The following PLEKHA5 variants were observed in gnomAD, a reference collection of about 807,000 sequenced individuals.
The protein encoded by PLEKHA5 is pleckstrin homology domain containing A5, also known as pleckstrin homology domain-containing family A member 5.
Under a neutral mutation model 181.9 loss-of-function variants are expected in PLEKHA5, and 55 were observed. The ratio of observed to expected loss-of-function variants is 0.30; its 90% CI spans 0.24 to 0.38. The LOEUF is 0.38. Among genes scored for constraint, PLEKHA5 ranks in the 10% least tolerant of loss-of-function variants. The probability of loss-of-function intolerance (pLI) is 1.00; values close to 1 mark genes in which losing one functional copy is unlikely to be tolerated. For missense variants in PLEKHA5, 1,432 were observed against 1,549.5 expected, an observed-to-expected ratio of 0.92 and a Z score of 1.27; for synonymous variants, 535 against 529.4, an observed-to-expected ratio of 1.01 and a Z score of -0.15.
intron 15 of PLEKHA5, among the ~76,000 whole-genome samples, chr12:19,298,528 C>T (rs955112895): frequency 1.3e-5 from 2 of 150,820 alleles, no homozygotes; most frequent in Non-Finnish European, 2.9e-5. Context: ...ACCACCACGC[C>T]TGGTGAATTT....
intron 3 of PLEKHA5, among the ~76,000 whole-genome samples, chr12:19,188,511 T>C (rs1245549724): frequency 6.6e-6 from 1 of 152,194 alleles, no homozygotes; most frequent in East Asian, 1.9e-4. Context: ...CTGTCTTTCA[T>C]ATAAAGATTT....
chr12:19,340,347 C>T (rs571013430), intron 21 of PLEKHA5, among the ~76,000 whole-genome samples: 6 of 149,990 alleles, frequency 4.0e-5, no homozygotes, highest in African/African-American at 1.5e-4. Context: ...CGGCCAGCCG[C>T]CCCGTCCAGG....
At chr12:19,169,668 G>T (rs1265914697) in intron 3 of PLEKHA5, among the ~76,000 whole-genome samples, 2 of 152,220 alleles carry the variant, frequency 1.3e-5, no homozygotes, top group Non-Finnish European at 2.9e-5. Context: ...TTCAGACCTT[G>T]TATGTGTTGA....
Position 19,250,335 on chromosome 12 carries a change from G to A in PLEKHA5, c.228-3605G>A, listed in dbSNP as rs369630337. Among the ~76,000 whole-genome samples the A allele has an allele frequency of 2.6e-4, 40 of 152,206 alleles. No homozygotes were observed. The South Asian group carries it at 7.5e-3, about 28-fold the overall frequency. Reference sequence around the variant, plus strand: ...CGCAGAGGCTCATACCTGTAATCCCGGCACTTTGGGAGGCCAAGGCGGGTG... The same window carrying A: ...CGCAGAGGCTCATACCTGTAATCCCAGCACTTTGGGAGGCCAAGGCGGGTG... On this transcript the variant is annotated intron_variant, in intron 3 of 31. Transcript: ENST00000429027.
In PLEKHA5 at chr12:19,357,083, A is replaced by T. The variant is rs544779327; in HGVS notation, c.3139-1145A>T. Among the ~76,000 whole-genome samples, 56 of 152,242 alleles carry T rather than the reference A, an allele frequency of 3.7e-4. No homozygotes were observed. In the Middle Eastern group the frequency reaches 0.01, roughly 28 times the overall value. On this transcript the variant is annotated intron_variant, in intron 26 of 31. Coordinates refer to ENST00000429027, the MANE Select transcript of PLEKHA5 (RefSeq NM_001256470.2). ...TCACGGTAAATGTATAACTTAAAAC[A>T]TTACGTTTTCATCAAAATAAAAGAA... is the stretch of plus-strand genomic sequence containing the variant.
chr12:19,220,943 T>A lies in PLEKHA5; in HGVS notation c.228-32997T>A, dbSNP rs373243208. On this transcript the variant is annotated intron_variant, in intron 3 of 31. Coordinates refer to ENST00000429027, the MANE Select transcript of PLEKHA5 (RefSeq NM_001256470.2). ...CGTTTGTCTGTAGGGAATTGCAAAT[T>A]AAATAACAGTGAGATACTACTACAC... Among the ~76,000 whole-genome samples the A allele has an allele frequency of 2.6e-5, 4 of 152,196 alleles. No homozygotes were observed. The East Asian group carries it at 7.7e-4, about 29-fold the overall frequency.
intron 21 of PLEKHA5, among the ~76,000 whole-genome samples, chr12:19,337,654 T>C (rs1288956563): frequency 1.3e-5 from 2 of 152,080 alleles, no homozygotes; most frequent in African/African-American, 4.8e-5. Context: ...TACGTCACGC[T>C]TATGACCCAA....
intron 15 of PLEKHA5, among the ~76,000 whole-genome samples, chr12:19,302,769 A>G (rs1263602181): frequency 6.6e-6 from 1 of 152,022 alleles, no homozygotes; most frequent in Non-Finnish European, 1.5e-5. Context: ...TTAAATTTGT[A>G]GTTACATATA....
chr12:19,143,613 T>G (rs1418572740), intron 3 of PLEKHA5, among the ~76,000 whole-genome samples: 1 of 152,160 alleles, frequency 6.6e-6, no homozygotes, highest in African/African-American at 2.4e-5. Flanking sequence ...GTATTATATG[T>G]AATTATATGT....
intron 3 of PLEKHA5, among the ~76,000 whole-genome samples, chr12:19,182,832 G>T (rs1249187377): frequency 6.6e-6 from 1 of 152,154 alleles, no homozygotes; most frequent in Non-Finnish European, 1.5e-5. Flanking sequence ...ATAGGATAAG[G>T]TTTCTAAGGT....
At chr12:19,281,266 A>G (rs1324976589) in intron 11 of PLEKHA5, among the ~76,000 whole-genome samples, 2 of 151,918 alleles carry the variant, frequency 1.3e-5, no homozygotes, top group African/African-American at 2.4e-5. Context: ...TAGAATTTGA[A>G]TTATACCTAC....
At chr12:19,261,125 A>G in intron 7 of PLEKHA5, 104 bp downstream of exon 7, 3 of 582,586 alleles carry the variant, frequency 5.1e-6, no homozygotes, top group Non-Finnish European at 9.0e-6. Flanking sequence ...GTGCTATTTT[A>G]TTATCAACAA....
At chr12:19,206,559 G>C (rs867239766) in intron 3 of PLEKHA5, among the ~76,000 whole-genome samples, 1 of 152,052 alleles carries the variant, frequency 6.6e-6, no homozygotes, top group African/African-American at 2.4e-5. Flanking sequence ...GCTTTAAAGA[G>C]GTCTAGAAAA....
At chr12:19,205,858 C>T (rs1381461409) in intron 3 of PLEKHA5, among the ~76,000 whole-genome samples, 2 of 151,898 alleles carry the variant, frequency 1.3e-5, no homozygotes, top group African/African-American at 2.4e-5. Context: ...ATAGGTAAGA[C>T]CCAGTTTGCA....
intron 15 of PLEKHA5, among the ~76,000 whole-genome samples, chr12:19,300,972 TAA>T (rs57234099): frequency 0.17 from 21,380 of 127,438 alleles, 1,896 homozygotes; most frequent in African/African-American, 0.28. Context: ...CCATCTCTAC[TAA>T]AAAAAAAAAA....
In PLEKHA5 at chr12:19,290,743, G is replaced by T; in HGVS notation, c.1930G>T (p.Glu644Ter). 6.5e-7 allele frequency: 1 copy of T among 1,536,138 alleles called. No homozygotes were observed. The highest frequency in any genetic ancestry group is 1.2e-5 in the South Asian group (1 of 84,000). Residue 644 changes from glutamate (E) to a stop codon, truncating the protein, a stop_gained, in exon 14 of 32, where the codon GAG (glutamate) becomes TAG (stop). Transcript: ENST00000429027. LOFTEE classifies it high-confidence loss of function. ...GCAAGCCGAACTGAGTAGTATCCGGGAGCATACGTTAGCACAGCTCATGCA... is the reference window on the plus strand; with the variant it reads ...GCAAGCCGAACTGAGTAGTATCCGGTAGCATACGTTAGCACAGCTCATGCA... ...RQQAELSSIR[E>*]HTLAQLMQLK... is the part of the protein sequence containing the mutation.
intron 21 of PLEKHA5, among the ~76,000 whole-genome samples, chr12:19,339,410 G>C (rs1342536242): frequency 6.6e-6 from 1 of 152,116 alleles, no homozygotes; most frequent in Non-Finnish European, 1.5e-5. Flanking sequence ...GCAGGCCACA[G>C]AAATTTGCCA....
intron 3 of PLEKHA5, among the ~76,000 whole-genome samples, chr12:19,205,869 T>G (rs1401812499): frequency 1.3e-5 from 2 of 152,090 alleles, no homozygotes; most frequent in Non-Finnish European, 2.9e-5. Context: ...CCAGTTTGCA[T>G]AAGATCAAAA....
chr12:19,265,280 T>C (rs909733823), intron 7 of PLEKHA5, among the ~76,000 whole-genome samples: 6 of 152,186 alleles, frequency 3.9e-5, no homozygotes, highest in African/African-American at 1.4e-4. Flanking sequence ...AAACATATAG[T>C]TTGCCGGAGG....
Sources: allele counts gnomAD v4.1 joint callset (sites outside exome capture counted in the v4.1 genomes callset), GRCh38; gene constraint gnomAD v4.1.1; transcripts MANE v1.5; gene names NCBI Gene and HGNC (gene_info 2026-07-23, HGNC 2026-07-21).